Variants in KCNMA1 observed in about 807,000 individuals in gnomAD.
KCNMA1 encodes potassium calcium-activated channel subfamily M alpha 1.
Under a neutral mutation model 140.0 loss-of-function variants are expected in KCNMA1, and 29 were observed. The ratio of observed to expected loss-of-function variants is 0.21; its 90% confidence interval spans 0.15 to 0.28. The LOEUF is 0.28. KCNMA1 is among the 10% of genes least tolerant of loss of function. The pLI, the probability that KCNMA1 is intolerant of heterozygous loss-of-function variation, is 1.00. For missense variants in KCNMA1, 880 were observed against 1,602.2 expected, an observed-to-expected ratio of 0.55 and a Z score of 7.70; for synonymous variants, 612 against 611.9, an observed-to-expected ratio of 1.00 and a Z score of 0.00.
At chr10:76,923,385 C>T (rs2056587796) in intron 23 of KCNMA1, among the ~76,000 whole-genome samples, 1 of 149,666 alleles carries the variant, frequency 6.7e-6, no homozygotes, top group South Asian at 2.1e-4. Flanking sequence ...GCTGAGATTG[C>T]ACCACTGCAC....
chr10:77,203,754 C>G (rs1466793207), intron 3 of KCNMA1, among the ~76,000 whole-genome samples: 1 of 152,038 alleles, frequency 6.6e-6, no homozygotes, highest in Non-Finnish European at 1.5e-5. Context: ...TAGGGAAGTC[C>G]CATCTCCCAA....
chr10:77,361,058 T>C (rs1032099756), intron 2 of KCNMA1, among the ~76,000 whole-genome samples: 2 of 152,144 alleles, frequency 1.3e-5, no homozygotes, highest in Non-Finnish European at 2.9e-5. Flanking sequence ...TCAGTCACCA[T>C]CCAGCTGTTT....
intron 18 of KCNMA1, among the ~76,000 whole-genome samples, chr10:77,005,809 A>G (rs1395752047): frequency 6.6e-6 from 1 of 152,234 alleles, no homozygotes; most frequent in Non-Finnish European, 1.5e-5. Flanking sequence ...CAGAGACAAA[A>G]TAGAAGTATT....
intron 1 of KCNMA1, among the ~76,000 whole-genome samples, chr10:77,468,100 C>T (rs1003094549): frequency 8.5e-5 from 13 of 152,240 alleles, no homozygotes; most frequent in African/African-American, 2.2e-4. Context: ...CTCCGCCTCC[C>T]GGGTTCCAGT....
intron 5 of KCNMA1, among the ~76,000 whole-genome samples, chr10:77,176,601 G>T (rs2098753352): frequency 1.3e-5 from 2 of 152,240 alleles, no homozygotes; most frequent in African/African-American, 4.8e-5. Flanking sequence ...GACCCCTGGA[G>T]CAAAGGACTC....
At chr10:77,215,391 C>T (rs374825335) in intron 3 of KCNMA1, among the ~76,000 whole-genome samples, 3 of 109,366 alleles carry the variant, frequency 2.7e-5, no homozygotes, top group Non-Finnish European at 6.1e-5. Context: ...TTTGTTTTGT[C>T]TGTCTTTTAT....
At chr10:76,997,097 T>C (rs1171582598) in intron 19 of KCNMA1, among the ~76,000 whole-genome samples, 1 of 152,190 alleles carries the variant, frequency 6.6e-6, no homozygotes, top group Non-Finnish European at 1.5e-5. Context: ...ACAATGTTAA[T>C]TCTCTGTCTG....
At chr10:77,112,233 G>C (rs1441358446) in intron 7 of KCNMA1, 134 bp downstream of exon 7, 10 of 710,012 alleles carry the variant, frequency 1.4e-5, no homozygotes, top group Non-Finnish European at 2.3e-5. Context: ...ACAATTGTGT[G>C]GTTGCTTCCC....
chr10:76,944,851 C>T lies in KCNMA1; in HGVS notation c.2824G>A (p.Glu942Lys), dbSNP rs1554966197. 6.2e-7 allele frequency: 1 copy of T among 1,614,130 alleles called. No individual in the cohort carries two copies. Among genetic ancestry groups the T allele is most frequent in the Non-Finnish European group, 8.5e-7 (1 of 1,180,006 alleles). The change falls in exon 23 of 28, where the codon GAA becomes AAA. Residue 942 changes from glutamate (E) to lysine (K), a missense_variant. Glu to Lys is a moderately conservative substitution (Grantham distance 56). Around this residue, in one of 13 missense-constraint regions of KCNMA1, gnomAD observed 5 missense variants for 27.7 expected, o/e 0.18. Coordinates refer to ENST00000286628, the MANE Select transcript of KCNMA1 (RefSeq NM_001161352.2). ...ATGTTGAGTGACGCCAAGATGCATT[C>T]CTTGTCCTGCAGCGAAGTATCATCA... ...NIDDTSLQDK[E>K]CILASLNIKS...
intron 1 of KCNMA1, among the ~76,000 whole-genome samples, chr10:77,450,148 C>A (rs2097607594): frequency 6.6e-6 from 1 of 152,054 alleles, no homozygotes; most frequent in Admixed American, 6.6e-5. Flanking sequence ...CTTTGTCTCC[C>A]AGGTTCAAGT....
At chr10:77,487,894 T>C (rs1432281393) in intron 1 of KCNMA1, among the ~76,000 whole-genome samples, 2 of 152,124 alleles carry the variant, frequency 1.3e-5, no homozygotes, top group African/African-American at 4.8e-5. Context: ...AGTCCCCAGG[T>C]TGGGCTGGTA....
At chr10:77,099,739 A>C in intron 9 of KCNMA1, among the ~76,000 whole-genome samples, 1 of 152,000 alleles carries the variant, frequency 6.6e-6, no homozygotes, top group East Asian at 1.9e-4. Context: ...AGAAAAGGAA[A>C]AAAGTAAAAA....
At position 77,266,610 on chromosome 10, in the gene KCNMA1, G is replaced by A. The variant is rs533090656; in HGVS notation, c.541-15354C>T. Among the ~76,000 whole-genome samples, 21 of 152,216 alleles carry A rather than the reference G, an allele frequency of 1.4e-4. No homozygotes were observed. In the South Asian group the frequency reaches 3.9e-3, roughly 29 times the overall value. ...GTTGTTTCTTTTCTTTTCTTCTATT[G>A]AATAATCAATCCATTCAGGCACAGA... On this transcript the variant is annotated intron_variant, in intron 2 of 27. Transcript: ENST00000286628.
intron 2 of KCNMA1, among the ~76,000 whole-genome samples, chr10:77,398,842 A>G (rs2096161671): frequency 6.6e-6 from 1 of 152,234 alleles, no homozygotes; most frequent in South Asian, 2.1e-4. Flanking sequence ...CAGCACAACC[A>G]AACTATACTA....
At chr10:77,487,321 C>T (rs146841315) in intron 1 of KCNMA1, among the ~76,000 whole-genome samples, 3 of 152,272 alleles carry the variant, frequency 2.0e-5, no homozygotes, top group African/African-American at 7.2e-5. Flanking sequence ...CAAGATTCAC[C>T]TCAGCCTCTC....
At chr10:77,377,621 TCTC>T (rs1467888844) in intron 2 of KCNMA1, among the ~76,000 whole-genome samples, 4 of 152,074 alleles carry the variant, frequency 2.6e-5, no homozygotes, top group African/African-American at 9.7e-5. Context: ...GAGGATACAG[TCTC>T]CTCCTGACCC....
rs545005667 is a variant in KCNMA1 at position 77,194,565 on chromosome 10, C to T, written c.603-9649G>A. On this transcript the variant is annotated intron_variant, in intron 3 of 27. Transcript: ENST00000286628. ...AGTACAGAAGCTAAAACTATTGAAT[C>T]GACAGCTAGAACCAGCCTGTTCTGA... 1.6e-4 allele frequency among the ~76,000 whole-genome samples: 25 copies of T among 152,234 alleles called. No individual in the cohort carries two copies. In the East Asian group the frequency reaches 3.9e-3, roughly 24 times the overall value.
At chr10:77,431,987 A>C (rs1405123178) in intron 1 of KCNMA1, among the ~76,000 whole-genome samples, 1 of 150,978 alleles carries the variant, frequency 6.6e-6, no homozygotes, top group Non-Finnish European at 1.5e-5. Context: ...GCAAGACTCT[A>C]TCTCTGAAAA....
intron 1 of KCNMA1, among the ~76,000 whole-genome samples, chr10:77,574,271 T>C (rs999868097): frequency 3.3e-5 from 5 of 151,726 alleles, no homozygotes; most frequent in African/African-American, 1.2e-4. Context: ...TATATATATA[T>C]ATATATAAAA....
Sources: allele counts gnomAD v4.1 joint callset (sites outside exome capture counted in the v4.1 genomes callset), GRCh38; gene constraint gnomAD v4.1.1; regional missense constraint gnomAD v4.1.1; transcripts MANE v1.5; gene names NCBI Gene and HGNC (gene_info 2026-07-23, HGNC 2026-07-21).